The following ERC2 variants were observed in gnomAD, a reference collection of about 807,000 sequenced individuals.
The protein encoded by ERC2 is ELKS/RAB6-interacting/CAST family member 2.
Under a neutral mutation model 114.8 loss-of-function variants are expected in ERC2, and 42 were observed. The observed-to-expected ratio is 0.37, with a 90% CI of 0.29 to 0.47. The LOEUF is 0.47. Ranked by LOEUF, ERC2 falls within the 20% of genes least tolerant of loss-of-function variation. The pLI is 0.99. For synonymous variants in ERC2, 454 were observed against 425.5 expected (o/e 1.07, Z -0.82); for missense variants, 939 against 1,150.7 (o/e 0.82, Z 2.66).
chr3:56,043,677 A>C (rs746803708), intron 7 of ERC2, among the ~76,000 whole-genome samples: 2 of 152,180 alleles, frequency 1.3e-5, no homozygotes, highest in Non-Finnish European at 2.9e-5. Context: ...ATTTTCTTTT[A>C]ATACTCATAC....
chr3:56,081,459 A>G (rs1278173918), intron 6 of ERC2, among the ~76,000 whole-genome samples: 2 of 152,178 alleles, frequency 1.3e-5, no homozygotes, highest in African/African-American at 4.8e-5. Context: ...TTAGAAAAAT[A>G]CATGTTGCCA....
intron 3 of ERC2, among the ~76,000 whole-genome samples, chr3:56,240,090 A>T (rs2051227466): frequency 1.3e-5 from 2 of 152,254 alleles, no homozygotes; most frequent in South Asian, 4.1e-4. Flanking sequence ...CAATGAAATA[A>T]AAATGAGATA....
chr3:56,071,566 G>A (rs2076741010), intron 7 of ERC2, among the ~76,000 whole-genome samples: 1 of 152,176 alleles, frequency 6.6e-6, no homozygotes, highest in African/African-American at 2.4e-5. Context: ...GAGCCCAAAG[G>A]AAGAAAAATG....
At chr3:55,886,164 C>T (rs958287921) in intron 14 of ERC2, among the ~76,000 whole-genome samples, 15 of 152,122 alleles carry the variant, frequency 9.9e-5, no homozygotes, top group African/African-American at 3.4e-4. Context: ...GGAAAGAATA[C>T]AGGCTGATTG....
intron 17 of ERC2, among the ~76,000 whole-genome samples, chr3:55,608,858 A>C (rs971548306): frequency 2.0e-5 from 3 of 152,210 alleles, no homozygotes; most frequent in Non-Finnish European, 2.9e-5. Context: ...AATTGGGATA[A>C]ATTTAGACAC....
At chr3:56,255,638 T>C (rs2052465603) in intron 3 of ERC2, among the ~76,000 whole-genome samples, 1 of 152,202 alleles carries the variant, frequency 6.6e-6, no homozygotes, top group Non-Finnish European at 1.5e-5. Context: ...TATTTCCTTC[T>C]TCCCTCACCT....
At chr3:55,643,796 G>A (rs1194642719) in intron 17 of ERC2, among the ~76,000 whole-genome samples, 1 of 152,022 alleles carries the variant, frequency 6.6e-6, no homozygotes, top group Non-Finnish European at 1.5e-5. Flanking sequence ...ATCTAATGTT[G>A]AAGATAAAAT....
At chr3:55,641,549 CAAAAAAAAAAAAAAAA>C (rs57407975) in intron 17 of ERC2, among the ~76,000 whole-genome samples, 11 of 28,326 alleles carry the variant, frequency 3.9e-4, no homozygotes, top group African/African-American at 9.0e-4. Flanking sequence ...GATTCTATCT[CAAAAAAAAAAAAAAAA>C]AAAAAAAAAA....
chr3:56,161,267 A>T (rs1335994145), intron 4 of ERC2, among the ~76,000 whole-genome samples: 1 of 152,168 alleles, frequency 6.6e-6, no homozygotes, highest in African/African-American at 2.4e-5. Context: ...CCATGCTTGT[A>T]CAGCCTGCCA....
rs140288781 is a variant in ERC2 at position 56,267,859 on chromosome 3, A to G, written c.1074+28160T>C. ...TTACATAGGATGAATAAATCTAGAG[A>G]TCTAATGTTCAGCATGAGGACTATA... On this transcript the variant is annotated intron_variant, in intron 3 of 17. Transcript: ENST00000288221. Among the ~76,000 whole-genome samples the G allele has an allele frequency of 9.3e-4, 142 of 152,266 alleles. 4 individuals carry two copies. In the South Asian group the frequency reaches 0.013, roughly 14 times the overall value.
chr3:55,569,862 T>A (rs1241003664), intron 17 of ERC2, among the ~76,000 whole-genome samples: 1 of 74,370 alleles, frequency 1.3e-5, no homozygotes, highest in Non-Finnish European at 2.7e-5. Context: ...TTCATTTCTA[T>A]TTTTTTTTTT....
At chr3:56,200,380 T>C (rs1395313206) in intron 3 of ERC2, among the ~76,000 whole-genome samples, 8 of 152,116 alleles carry the variant, frequency 5.3e-5, no homozygotes, top group Non-Finnish European at 1.2e-4. Flanking sequence ...AGTATCTTTT[T>C]ACTAAGAAAA....
chr3:55,888,305 C>T (rs918340555), intron 14 of ERC2, 84 bp downstream of exon 14: 2 of 1,454,574 alleles, frequency 1.4e-6, no homozygotes, highest in Non-Finnish European at 1.9e-6. Flanking sequence ...TGAGCTCTTT[C>T]TTCATCTTCT....
intron 12 of ERC2, among the ~76,000 whole-genome samples, chr3:55,985,615 C>T (rs2070555986): frequency 6.6e-6 from 1 of 152,172 alleles, no homozygotes; most frequent in South Asian, 2.1e-4. Flanking sequence ...AGGTTAAATT[C>T]AGCATCCTGC....
intron 2 of ERC2, among the ~76,000 whole-genome samples, chr3:56,363,566 C>G (rs1262378404): frequency 6.6e-6 from 1 of 151,808 alleles, no homozygotes; most frequent in Admixed American, 6.6e-5. Flanking sequence ...CTTCTAGTGA[C>G]CAGAGTAACT....
At chr3:56,432,296 C>G (rs1230326692) in intron 2 of ERC2, among the ~76,000 whole-genome samples, 1 of 152,130 alleles carries the variant, frequency 6.6e-6, no homozygotes, top group Non-Finnish European at 1.5e-5. Flanking sequence ...TTGGAGCTAA[C>G]AGTTTAAAGA....
intron 3 of ERC2, among the ~76,000 whole-genome samples, chr3:56,190,531 C>T (rs2083919478): frequency 6.6e-6 from 1 of 152,180 alleles, no homozygotes; most frequent in East Asian, 1.9e-4. Flanking sequence ...CCTCCCTGAG[C>T]TCAAGCGATC....
At chr3:56,339,304 T>G (rs139362764) in intron 2 of ERC2, among the ~76,000 whole-genome samples, 96 of 152,232 alleles carry the variant, frequency 6.3e-4, no homozygotes, top group South Asian at 1.7e-3. Flanking sequence ...GAAGAGTTTC[T>G]GAGGAGGTGA....
chr3:56,018,441 T>A (rs1576581649), intron 8 of ERC2, among the ~76,000 whole-genome samples: 2 of 151,114 alleles, frequency 1.3e-5, no homozygotes, highest in Admixed American at 1.3e-4. Flanking sequence ...CAGGAAGGAG[T>A]ATGGTACAGT....
Sources: gnomAD v4.1 joint callset for allele counts (sites outside exome capture counted in the v4.1 genomes callset) on GRCh38, gnomAD v4.1.1 for gene constraint, MANE v1.5 for transcripts, NCBI Gene and HGNC (gene_info 2026-07-23, HGNC 2026-07-21) for gene names.